The following ATOSA variants were observed in gnomAD, a reference collection of about 807,000 sequenced individuals.
ATOSA encodes atos homolog A, also known as atos homolog protein A.
the ATOSA span, among the ~76,000 whole-genome samples, chr15:52,643,977 T>G: frequency 5.9e-5 from 9 of 152,230 alleles, no homozygotes; most frequent in South Asian, 1.9e-3. Context: ...TCACCATATA[T>G]GAAAGTCTTT....
At chr15:52,584,662 G>A in the ATOSA span, 1 of 1,199,206 alleles carries the variant, frequency 8.3e-7, no homozygotes, top group Middle Eastern at 2.8e-4. Context: ...CACTGGTCTA[G>A]TTAGAGTCAC....
chr15:52,609,369 C>T, the ATOSA span: 21 of 1,613,856 alleles, frequency 1.3e-5, no homozygotes, highest in East Asian at 2.7e-4. Context: ...TAGATGCAAC[C>T]GAACTGGAGT....
the ATOSA span, chr15:52,586,107 T>C: frequency 6.6e-6 from 1 of 152,338 alleles, no homozygotes; most frequent in Middle Eastern, 3.4e-3. Context: ...GACAGCTAGC[T>C]TTCCACTGAC....
chr15:52,669,471 T>A, the ATOSA span, among the ~76,000 whole-genome samples: 1 of 152,212 alleles, frequency 6.6e-6, no homozygotes, highest in East Asian at 1.9e-4. Context: ...GCCAATGATC[T>A]CTCTCACAAA....
chr15:52,706,350 A>G, the ATOSA span, among the ~76,000 whole-genome samples: 2 of 152,222 alleles, frequency 1.3e-5, no homozygotes, highest in Non-Finnish European at 2.9e-5. Flanking sequence ...GTCTATGGAG[A>G]AAAGAACTAC....
the ATOSA span, among the ~76,000 whole-genome samples, chr15:52,608,352 T>C: frequency 6.6e-6 from 1 of 152,212 alleles, no homozygotes; most frequent in East Asian, 1.9e-4. Context: ...TTAAACAGCA[T>C]GATCTTTATT....
the ATOSA span, among the ~76,000 whole-genome samples, chr15:52,689,847 G>A: frequency 1.6e-3 from 249 of 152,294 alleles, 1 homozygote; most frequent in African/African-American, 5.7e-3. Context: ...AGACACAGAA[G>A]CCTCCCTAAC....
At chr15:52,633,751 G>C in the ATOSA span, among the ~76,000 whole-genome samples, 1 of 152,086 alleles carries the variant, frequency 6.6e-6, no homozygotes, top group Non-Finnish European at 1.5e-5. Flanking sequence ...TCTGACAGAA[G>C]GAAAATAACA....
chr15:52,611,549 A>C, the ATOSA span: 1 of 1,607,512 alleles, frequency 6.2e-7, no homozygotes, highest in African/African-American at 1.3e-5. Context: ...ACCAAGAACA[A>C]CTTTGAACTA....
chr15:52,601,329 T>C, the ATOSA span, among the ~76,000 whole-genome samples: 1 of 148,832 alleles, frequency 6.7e-6, no homozygotes, highest in Non-Finnish European at 1.5e-5. Context: ...ATATTGTTCT[T>C]ATGTTATTTT....
At chr15:52,595,693 G>A in the ATOSA span, among the ~76,000 whole-genome samples, 2 of 152,108 alleles carry the variant, frequency 1.3e-5, no homozygotes, top group African/African-American at 4.8e-5. Flanking sequence ...GCGATTTTTT[G>A]TAGATAACAC....
At chr15:52,647,023 G>A in the ATOSA span, among the ~76,000 whole-genome samples, 664 of 152,228 alleles carry the variant, frequency 4.4e-3, 2 homozygotes, top group Non-Finnish European at 7.7e-3. Context: ...TTAAAATTAG[G>A]ATACCTATTT....
the ATOSA span, chr15:52,581,612 T>C: frequency 6.6e-6 from 1 of 152,636 alleles, no homozygotes; most frequent in Non-Finnish European, 1.5e-5. Context: ...TATGGTGTTA[T>C]AAAAACTAAA....
At chr15:52,689,037 T>G in the ATOSA span, among the ~76,000 whole-genome samples, 1 of 152,318 alleles carries the variant, frequency 6.6e-6, no homozygotes, top group East Asian at 1.9e-4. Context: ...CAGTATGGTA[T>G]AATTCTGAGA....
chr15:52,600,033 C>G, the ATOSA span: 2 of 517,544 alleles, frequency 3.9e-6, no homozygotes, highest in Non-Finnish European at 6.8e-6. Context: ...TTATTTCTTT[C>G]CTTTTCACAA....
At chr15:52,614,847 C>CAA in the ATOSA span, among the ~76,000 whole-genome samples, 1 of 140,548 alleles carries the variant, frequency 7.1e-6, no homozygotes, top group Non-Finnish European at 1.6e-5. Flanking sequence ...GACTTTGTCT[C>CAA]AAAAAAAAAA....
chr15:52,654,916 A>T, the ATOSA span, among the ~76,000 whole-genome samples: 1 of 151,998 alleles, frequency 6.6e-6, no homozygotes, highest in Admixed American at 6.6e-5. Flanking sequence ...ACATATACGC[A>T]TATTAAATAA....
At chr15:52,681,642 G>A in the ATOSA span, among the ~76,000 whole-genome samples, 7 of 152,248 alleles carry the variant, frequency 4.6e-5, no homozygotes, top group East Asian at 1.4e-3. Flanking sequence ...GGTAAGCAAG[G>A]GAATCAAGAT....
chr15:52,614,614 G>C, the ATOSA span, among the ~76,000 whole-genome samples: 1 of 151,812 alleles, frequency 6.6e-6, no homozygotes, highest in African/African-American at 2.4e-5. Context: ...TTGGGAGGCC[G>C]AGGTGGGCAG....
Sources: allele counts gnomAD v4.1 joint callset (sites outside exome capture counted in the v4.1 genomes callset), GRCh38; gene constraint gnomAD v4.1.1; transcripts MANE v1.5; gene names NCBI Gene and HGNC (gene_info 2026-07-23, HGNC 2026-07-21).